ARHGEF10L: variants seen among roughly 807,000 people sequenced by gnomAD.
ARHGEF10L encodes the protein rho guanine nucleotide exchange factor 10-like protein.
A neutral mutation model predicts 141.2 loss-of-function variants in ARHGEF10L; 69 were observed. The observed-to-expected ratio is 0.49, with a 90% CI of 0.40 to 0.60. The LOEUF is 0.60. ARHGEF10L is among the 20% of genes least tolerant of loss of function. The pLI is 0.00. For missense variants in ARHGEF10L, 1,482 were observed against 1,734.3 expected (o/e 0.85, Z 2.58); for synonymous variants, 711 against 718.5 (o/e 0.99, Z 0.17).
intron 9 of ARHGEF10L, among the ~76,000 whole-genome samples, chr1:17,617,483 G>A (rs2059872326): frequency 1.3e-5 from 2 of 152,162 alleles, no homozygotes; most frequent in African/African-American, 2.4e-5. Flanking sequence ...AAGTAAGACC[G>A]GCCCCTGCTG....
chr1:17,645,419 C>G (rs1046843645), intron 21 of ARHGEF10L, among the ~76,000 whole-genome samples: 1 of 151,920 alleles, frequency 6.6e-6, no homozygotes, highest in African/African-American at 2.4e-5. Context: ...ACTTGATGGG[C>G]TATGGGTGTT....
intron 1 of ARHGEF10L, among the ~76,000 whole-genome samples, chr1:17,566,800 A>G (rs1006639527): frequency 1.3e-5 from 2 of 152,208 alleles, no homozygotes; most frequent in Non-Finnish European, 2.9e-5. Context: ...AGTGCTCATC[A>G]GCAAACCCCA....
chr1:17,569,679 G>A (rs1052680790), intron 1 of ARHGEF10L, among the ~76,000 whole-genome samples: 3 of 152,152 alleles, frequency 2.0e-5, no homozygotes, highest in Non-Finnish European at 4.4e-5. Context: ...CTGGGACACC[G>A]GTGCCCAGCC....
At chr1:17,628,848 G>C (rs2060522684) in intron 15 of ARHGEF10L, among the ~76,000 whole-genome samples, 1 of 152,090 alleles carries the variant, frequency 6.6e-6, no homozygotes, top group Admixed American at 6.5e-5. Context: ...TGTCTAACCT[G>C]CATCAGCATC....
Position 17,697,710 on chromosome 1 carries a change from C to T in ARHGEF10L, c.*330C>T. On this transcript the variant is annotated 3_prime_UTR_variant, in exon 29 of 29. Transcript: ENST00000361221. The surrounding 1 kb of genome is among the most constrained non-coding windows in gnomAD (Gnocchi z 4.8). The stretch of plus-strand genomic sequence containing the variant: ...ACTCCAAGGCAGCCACACGCCCCTC[C>T]TGGAAGGGTGTGTGCGTGTGAGTGT... 1.9e-6 allele frequency: 1 copy of T among 523,178 alleles called. No individual in the cohort carries two copies. Among genetic ancestry groups the T allele is most frequent in the South Asian group, 1.5e-5 (1 of 65,056 alleles). 32.4% of individuals were successfully genotyped at this position (523,178 alleles called of 1,614,324 possible). A position where few individuals can be genotyped will look rare whatever the true frequency, so the allele number is the denominator to read the frequency against.
chr1:17,587,314 A>G, intron 2 of ARHGEF10L, 146 bp from the exon 3 acceptor site: 1 of 797,558 alleles, frequency 1.3e-6, no homozygotes, highest in Non-Finnish European at 1.9e-6. Flanking sequence ...CTGTAGGGCC[A>G]TGTGGCTTGA....
chr1:17,620,258 G>A (rs899658265), intron 10 of ARHGEF10L, among the ~76,000 whole-genome samples: 10 of 151,682 alleles, frequency 6.6e-5, no homozygotes, highest in African/African-American at 2.2e-4. Flanking sequence ...TGCTGAGGTC[G>A]GGCAGCTTTG....
At chr1:17,522,703 G>T in the ARHGEF10L span, among the ~76,000 whole-genome samples, 3 of 152,082 alleles carry the variant, frequency 2.0e-5, no homozygotes, top group Non-Finnish European at 4.4e-5. Flanking sequence ...TGAGTGTGAT[G>T]CCAGCAGGCC....
intron 1 of ARHGEF10L, among the ~76,000 whole-genome samples, chr1:17,556,174 G>A (rs2077307756): frequency 1.1e-5 from 1 of 92,300 alleles, no homozygotes; most frequent in Non-Finnish European, 2.2e-5. Context: ...AGCATTGGGG[G>A]AGGCTGGGAG....
chr1:17,643,790 G>A (rs2061445704), intron 21 of ARHGEF10L, among the ~76,000 whole-genome samples: 1 of 152,184 alleles, frequency 6.6e-6, no homozygotes, highest in South Asian at 2.1e-4. Context: ...CTGTGAGAGG[G>A]GCTCCTAGGT....
Position 17,623,694 on chromosome 1 carries a change from G to T in ARHGEF10L, c.1200+519G>T, listed in dbSNP as rs955884149. On this transcript the variant is annotated intron_variant, in intron 12 of 28. Transcript: ENST00000361221. The surrounding 1 kb of genome is among the most constrained non-coding windows in gnomAD (Gnocchi z 4.7). ...CAGGCTTGCCATCTGTGGAATGAGG[G>T]GTGCACTGGATTTCTGGCTTTTCTA... Among the ~76,000 whole-genome samples the T allele has an allele frequency of 1.3e-5, 2 of 152,164 alleles. No homozygotes were observed. Among genetic ancestry groups the T allele is most frequent in the Admixed American group, 6.5e-5 (1 of 15,280 alleles).
chr1:17,515,945 C>T, the ARHGEF10L span, among the ~76,000 whole-genome samples: 741 of 152,334 alleles, frequency 4.9e-3, 5 homozygotes, highest in African/African-American at 0.016. Context: ...CCAGATACTG[C>T]TTCTAAATCA....
At chr1:17,641,643 C>T (rs1183169784) in intron 21 of ARHGEF10L, among the ~76,000 whole-genome samples, 1 of 151,198 alleles carries the variant, frequency 6.6e-6, no homozygotes, top group African/African-American at 2.4e-5. Flanking sequence ...CAAAACAAAA[C>T]AAAACACAAC....
intron 25 of ARHGEF10L, 39 bp from the exon 26 acceptor site, chr1:17,664,408 G>A (rs371443127): frequency 3.3e-5 from 53 of 1,586,920 alleles, no homozygotes; most frequent in Non-Finnish European, 4.0e-5. Context: ...CCTGCTTGCC[G>A]CTCCTGGCCC....
In ARHGEF10L at chr1:17,621,972, T is replaced by C. The variant is rs1557848442; in HGVS notation, c.1020+31T>C. On this transcript the variant is annotated intron_variant, in intron 11 of 28. Coordinates refer to ENST00000361221, the MANE Select transcript of ARHGEF10L (RefSeq NM_018125.4). This position sits in a 1 kb window ranked among gnomAD's most constrained non-coding sequence, Gnocchi z 4.1. ...ACTTCAGGGAGTTCTCAAGGGTCTC[T>C]GGGGAGAAGCAGGGAGGGCCCTGGA... The C allele has an allele frequency of 1.9e-6, 3 of 1,611,590 alleles. No individual in the cohort carries two copies. The South Asian group carries it at 3.3e-5, about 18-fold the overall frequency.
At chr1:17,544,623 T>C (rs1380205506) in intron 1 of ARHGEF10L, among the ~76,000 whole-genome samples, 4 of 152,306 alleles carry the variant, frequency 2.6e-5, no homozygotes, top group Admixed American at 2.0e-4. Context: ...AAGTAATAAA[T>C]ACTCAATTTT....
intron 26 of ARHGEF10L, among the ~76,000 whole-genome samples, chr1:17,667,269 T>C (rs1054236567): frequency 6.6e-6 from 1 of 152,188 alleles, no homozygotes; most frequent in Non-Finnish European, 1.5e-5. Flanking sequence ...TGGGGCAACC[T>C]TCAGTCTGAT....
intron 9 of ARHGEF10L, among the ~76,000 whole-genome samples, chr1:17,616,442 G>A (rs189372153): frequency 2.9e-3 from 440 of 152,322 alleles, no homozygotes; most frequent in Admixed American, 5.9e-3. Flanking sequence ...TTCTTTCAGC[G>A]TCCCTGCTCC....
the ARHGEF10L span, among the ~76,000 whole-genome samples, chr1:17,521,692 ATT>A: frequency 6.6e-6 from 1 of 152,200 alleles, no homozygotes; most frequent in Non-Finnish European, 1.5e-5. Flanking sequence ...CTTACTGAAG[ATT>A]TCACAGCTTG....
Sources: gnomAD v4.1 joint callset for allele counts (sites outside exome capture counted in the v4.1 genomes callset) on GRCh38, gnomAD v4.1.1 for gene constraint, Gnocchi (gnomAD v3.1) non-coding constraint, MANE v1.5 for transcripts, NCBI Gene and HGNC (gene_info 2026-07-23, HGNC 2026-07-21) for gene names.